The following PPP2R2C variants were observed in gnomAD, a reference collection of about 807,000 sequenced individuals.
PPP2R2C encodes the protein protein phosphatase 2 regulatory subunit Bgamma.
In PPP2R2C, 10 loss-of-function variants were observed where a neutral mutation model predicts 45.3. The ratio of observed to expected loss-of-function variants is 0.22; its 90% CI spans 0.14 to 0.37. PPP2R2C has a LOEUF of 0.37. PPP2R2C is among the 10% of genes least tolerant of loss of function. The probability of loss-of-function intolerance (pLI) is 1.00; values close to 1 mark genes in which losing one functional copy is unlikely to be tolerated. For synonymous variants in PPP2R2C, 257 were observed against 245.4 expected, an observed-to-expected ratio of 1.05 and a Z score of -0.44; for missense variants, 308 against 619.7, an observed-to-expected ratio of 0.50 and a Z score of 5.34.
intron 6 of PPP2R2C, among the ~76,000 whole-genome samples, chr4:6,346,313 C>A (rs1711916201): frequency 6.6e-6 from 1 of 152,200 alleles, no homozygotes; most frequent in Non-Finnish European, 1.5e-5. Flanking sequence ...GACCTACAGG[C>A]AATGTGTGGA....
In PPP2R2C at chr4:6,333,701, C is replaced by G; in HGVS notation, c.821G>C (p.Arg274Pro). The change falls in exon 7 of 9, where the codon CGC (arginine) becomes CCC (proline). Residue 274 changes from arginine to proline, a missense_variant. Coordinates refer to ENST00000382599, the MANE Select transcript of PPP2R2C (RefSeq NM_020416.4). ...LFEEPEDPSN[R>P]SFFSEIISSV... ...GGAGATGATTTCCGAGAAGAATGAG[C>G]GGTTACTGGGGTCCTCAGGCTCTTC... 6.2e-7 allele frequency: 1 copy of G among 1,614,100 alleles called. No individual in the cohort carries two copies. The highest frequency in any genetic ancestry group is 1.7e-5 in the Admixed American group (1 of 60,014).
In PPP2R2C at chr4:6,378,195, A is replaced by AG. The variant is rs1197230080; in HGVS notation, c.334+211dup. On this transcript the variant is annotated intron_variant, in intron 3 of 8. Coordinates refer to ENST00000382599, the MANE Select transcript of PPP2R2C (RefSeq NM_020416.4). The surrounding 1 kb of genome is among the most constrained non-coding windows in gnomAD (Gnocchi z 5.2). Reference sequence around the variant, plus strand: ...CATGGGATTTACATGCTGCTCAAAAAGGGGGGCAGCCCTGTGTCCAGACAC... The same window carrying AG: ...CATGGGATTTACATGCTGCTCAAAAAGGGGGGGCAGCCCTGTGTCCAGACAC... 1.7e-6 allele frequency: 1 copy of AG among 583,438 alleles called. No individual in the cohort carries two copies. Among genetic ancestry groups the AG allele is most frequent in the African/African-American group, 2.0e-5 (1 of 49,120 alleles). 36.1% of individuals were successfully genotyped at this position (583,438 alleles called of 1,614,324 possible).
chr4:6,458,209 G>C (rs1355757066), intron 1 of PPP2R2C, among the ~76,000 whole-genome samples: 1 of 152,204 alleles, frequency 6.6e-6, no homozygotes, highest in African/African-American at 2.4e-5. Flanking sequence ...TCAGTGATCT[G>C]TTTGTGTAAA....
chr4:6,463,386 C>G (rs1377610703), intron 1 of PPP2R2C, among the ~76,000 whole-genome samples: 1 of 152,226 alleles, frequency 6.6e-6, no homozygotes, highest in Non-Finnish European at 1.5e-5. Context: ...TGCAGGAGGC[C>G]AGGCCAGCCT....
chr4:6,516,181 C>T (rs761408356), intron 2 of PPP2R2C, among the ~76,000 whole-genome samples: 2 of 152,188 alleles, frequency 1.3e-5, no homozygotes, highest in Non-Finnish European at 2.9e-5. Context: ...TATCCACATG[C>T]GTGATGTTTT....
At chr4:6,397,892 C>G (rs1717151271) in intron 1 of PPP2R2C, among the ~76,000 whole-genome samples, 1 of 152,214 alleles carries the variant, frequency 6.6e-6, no homozygotes, top group Admixed American at 6.5e-5. Context: ...GGATTTACCC[C>G]AGCTGATATA....
chr4:6,468,989 C>T lies in PPP2R2C; in HGVS notation c.70+3171G>A, dbSNP rs139403861. 2.7e-3 allele frequency among the ~76,000 whole-genome samples: 405 copies of T among 150,326 alleles called. 5 individuals are homozygous for T. Among genetic ancestry groups the T allele is most frequent in the African/African-American group, 9.2e-3 (376 of 40,864 alleles). On this transcript the variant is annotated intron_variant, in intron 1 of 8. Coordinates refer to ENST00000382599, the MANE Select transcript of PPP2R2C (RefSeq NM_020416.4). ...CCATTCATGCAAAGTTCTCTGTGCC[C>T]CCAGGTGGCCTGCAGGTACACCTAA...
At chr4:6,412,079 C>T (rs890463956) in intron 1 of PPP2R2C, among the ~76,000 whole-genome samples, 9 of 152,182 alleles carry the variant, frequency 5.9e-5, no homozygotes, top group Non-Finnish European at 1.3e-4. Context: ...CAGACCCTGG[C>T]CCCAAAAGGA....
intron 2 of PPP2R2C, among the ~76,000 whole-genome samples, chr4:6,478,546 G>A (rs1192174008): frequency 6.6e-6 from 1 of 152,184 alleles, no homozygotes; most frequent in Non-Finnish European, 1.5e-5. Context: ...TGTGCTGAGT[G>A]AGTGAGAAAC....
At chr4:6,492,009 T>C (rs529228662) in intron 2 of PPP2R2C, among the ~76,000 whole-genome samples, 3 of 152,340 alleles carry the variant, frequency 2.0e-5, no homozygotes, top group East Asian at 3.9e-4. Context: ...AGTAAACTAC[T>C]GTCCTCCAGG....
At chr4:6,426,043 C>G (rs1719280119) in intron 1 of PPP2R2C, among the ~76,000 whole-genome samples, 1 of 152,138 alleles carries the variant, frequency 6.6e-6, no homozygotes, top group Admixed American at 6.5e-5. Flanking sequence ...CTCTGATCCC[C>G]CATCTAATCC....
At position 6,324,650 on chromosome 4, in the gene PPP2R2C, C is replaced by T. The variant is rs573960236; in HGVS notation, c.1053-1057G>A. Reference sequence around the variant, plus strand: ...ACATGCATCGCCATGAGGGTCGGGGCGAGCAGTGCTGACGTGCAGGGGCTC... The same window carrying T: ...ACATGCATCGCCATGAGGGTCGGGGTGAGCAGTGCTGACGTGCAGGGGCTC... On this transcript the variant is annotated intron_variant, in intron 8 of 8. Transcript: ENST00000382599. This position sits in a 1 kb window ranked among gnomAD's most constrained non-coding sequence, Gnocchi z 4.1. Among the ~76,000 whole-genome samples, 145 of 152,290 alleles carry T rather than the reference C, an allele frequency of 9.5e-4. No individual in the cohort carries two copies. Among genetic ancestry groups the T allele is most frequent in the Non-Finnish European group, 1.7e-3 (117 of 68,018 alleles).
rs1723683918 is a variant in PPP2R2C at position 6,512,560 on chromosome 4, GTGGTGGTGGTGA to G, written c.49+22699_49+22710del. On this transcript the variant is annotated intron_variant, in intron 2 of 9. Transcript: ENST00000506140. ...GATGGTGGTGATGGTGGTGATGGTG[GTGGTGGTGGTGA>G]TGGTGATGGTGGTGATGGTGATGGT... Among the ~76,000 whole-genome samples, 5 of 122,676 alleles carry G rather than the reference GTGGTGGTGGTGA, an allele frequency of 4.1e-5. No homozygotes were observed. In the East Asian group the frequency reaches 1.3e-3, roughly 32 times the overall value. 80.5% of individuals were successfully genotyped at this position (122,676 alleles called of 152,430 possible). A position where few individuals can be genotyped will look rare whatever the true frequency, so the allele number is the denominator to read the frequency against.
intron 1 of PPP2R2C, among the ~76,000 whole-genome samples, chr4:6,538,515 T>C (rs893189725): frequency 2.0e-5 from 3 of 150,542 alleles, no homozygotes; most frequent in Non-Finnish European, 4.5e-5. Flanking sequence ...GGGAACAAAA[T>C]CAATCCCCTG....
At chr4:6,349,345 T>C in intron 5 of PPP2R2C, 1 of 977,194 alleles carries the variant, frequency 1.0e-6, no homozygotes, top group African/African-American at 1.7e-5. Flanking sequence ...CAGCTATCCA[T>C]GCCTCAGCTT....
At chr4:6,348,072 G>A in intron 5 of PPP2R2C, 62 bp from the exon 6 acceptor site, 8 of 1,577,644 alleles carry the variant, frequency 5.1e-6, no homozygotes, top group Non-Finnish European at 6.9e-6. Flanking sequence ...CGCCTTCCCG[G>A]AGGTTTCTGA....
rs536890134 is a variant in PPP2R2C, at chr4:6,331,962, G to C, written c.960+1600C>G. Among the ~76,000 whole-genome samples the C allele has an allele frequency of 6.6e-6, 1 of 152,178 alleles. No individual in the cohort carries two copies. Among genetic ancestry groups the C allele is most frequent in the African/African-American group, 2.4e-5 (1 of 41,428 alleles). ...GTTGTGCTGCTTTTATGTAGTTATT[G>C]CTATTATTTTAGCATCAATAGGTCA... On this transcript the variant is annotated intron_variant, in intron 7 of 8. Coordinates refer to ENST00000382599, the MANE Select transcript of PPP2R2C (RefSeq NM_020416.4). The surrounding 1 kb of genome is among the most constrained non-coding windows in gnomAD (Gnocchi z 5.9).
At chr4:6,550,471 A>AC (rs1456946874) in intron 1 of PPP2R2C, among the ~76,000 whole-genome samples, 1 of 152,016 alleles carries the variant, frequency 6.6e-6, no homozygotes, top group African/African-American at 2.4e-5. Flanking sequence ...TACAACGCCA[A>AC]CCCGAAACAC....
At chr4:6,433,366 T>C (rs1188254873) in intron 1 of PPP2R2C, among the ~76,000 whole-genome samples, 1 of 152,184 alleles carries the variant, frequency 6.6e-6, no homozygotes, top group African/African-American at 2.4e-5. Flanking sequence ...TTTCCAGTGG[T>C]GGCATGAGTT....
Sources: gnomAD v4.1 joint callset for allele counts (sites outside exome capture counted in the v4.1 genomes callset) on GRCh38, gnomAD v4.1.1 for gene constraint, Gnocchi (gnomAD v3.1) non-coding constraint, MANE v1.5 for transcripts, NCBI Gene and HGNC (gene_info 2026-07-23, HGNC 2026-07-21) for gene names.